Variants in GPR155 observed in about 807,000 individuals in gnomAD.
GPR155 encodes the protein lysosomal cholesterol signaling protein.
Under a neutral mutation model 93.1 loss-of-function variants are expected in GPR155, and 65 were observed. That is an observed-to-expected ratio of 0.70 (90% CI 0.57 to 0.86). GPR155 has a LOEUF of 0.86. Among genes scored for constraint, GPR155 ranks in the 40% least tolerant of loss-of-function variants. The pLI is 0.00. For missense variants in GPR155, 838 were observed against 1,034.8 expected (o/e 0.81, Z 2.61); for synonymous variants, 319 against 360.1 (o/e 0.89, Z 1.29).
chr2:174,469,090 A>C, intron 4 of GPR155, 23 bp from the exon 5 acceptor site: 2 of 1,608,640 alleles, frequency 1.2e-6, no homozygotes, highest in Non-Finnish European at 1.7e-6. Context: ...AATCAAACAG[A>C]GGAGTTACAA....
chr2:174,452,616 A>G (rs1687354073), intron 11 of GPR155, among the ~76,000 whole-genome samples: 1 of 152,040 alleles, frequency 6.6e-6, no homozygotes. Flanking sequence ...TAGGCCACAA[A>G]TGTAATTCAG....
intron 3 of GPR155, among the ~76,000 whole-genome samples, 159 bp from the exon 4 acceptor site, chr2:174,470,714 GA>G (rs1687971122): frequency 6.6e-6 from 1 of 151,884 alleles, no homozygotes; most frequent in African/African-American, 2.4e-5. Context: ...ACATTTTGTT[GA>G]AAAAAATCAA....
chr2:174,462,616 A>AT (rs982609695), intron 7 of GPR155, among the ~76,000 whole-genome samples: 4 of 152,220 alleles, frequency 2.6e-5, no homozygotes, highest in East Asian at 1.9e-4. Flanking sequence ...GCTGAAAAAC[A>AT]TTTTTTAATT....
At chr2:174,437,314 G>A (rs1315110368) in intron 15 of GPR155, among the ~76,000 whole-genome samples, 1 of 151,908 alleles carries the variant, frequency 6.6e-6, no homozygotes, top group Non-Finnish European at 1.5e-5. Context: ...AGGAGAAATA[G>A]GTGACAAAAA....
chr2:174,473,434 T>TA, intron 2 of GPR155, 70 bp from the exon 3 acceptor site: 4 of 1,006,018 alleles, frequency 4.0e-6, no homozygotes, highest in South Asian at 1.6e-5. Flanking sequence ...GTATATAACA[T>TA]TTTCTGTACT....
At position 174,470,485 on chromosome 2, in the gene GPR155, T is replaced by G; in HGVS notation, c.931A>C (p.Thr311Pro). 1 of 1,613,862 alleles carries G rather than the reference T, an allele frequency of 6.2e-7. No individual in the cohort carries two copies. The highest frequency in any genetic ancestry group is 1.1e-5 in the South Asian group (1 of 91,082). Reference protein sequence around the residue: ...LDKGDSVVNHTSLSNYAFLYG... With the variant: ...LDKGDSVVNHPSLSNYAFLYG... ...AGAAATGCATAATTTGATAAACTTG[T>G]ATGGTTCACCACACTGTCGCCCTTG... is the stretch of plus-strand genomic sequence containing the variant. The change falls in exon 4 of 16, where the codon ACA becomes CCA. Residue 311 changes from threonine to proline, a missense_variant. Transcript: ENST00000392552.
At chr2:174,447,567 TA>T (rs904992273) in intron 11 of GPR155, among the ~76,000 whole-genome samples, 9 of 145,784 alleles carry the variant, frequency 6.2e-5, no homozygotes, top group African/African-American at 2.2e-4. Flanking sequence ...AATTACAAAT[TA>T]ATATATAAGC....
chr2:174,439,291 T>A (rs1402224793), intron 15 of GPR155, among the ~76,000 whole-genome samples: 1 of 152,190 alleles, frequency 6.6e-6, no homozygotes, highest in Non-Finnish European at 1.5e-5. Context: ...ACTGGTAGTA[T>A]AGTATTTATT....
intron 13 of GPR155, among the ~76,000 whole-genome samples, chr2:174,443,091 T>A (rs116467199): frequency 6.2e-4 from 94 of 152,316 alleles, no homozygotes; most frequent in African/African-American, 2.2e-3. Context: ...TAAGTCAGAC[T>A]ATGATTTTTC....
rs1280876443 is a variant in GPR155, at chr2:174,481,907, G to A, written c.50C>T (p.Thr17Ile). 4 of 1,613,960 alleles carry A rather than the reference G, an allele frequency of 2.5e-6. No homozygotes were observed. Among genetic ancestry groups the A allele is most frequent in the Non-Finnish European group, 3.4e-6 (4 of 1,179,998 alleles). ...AENLTIAVNM[T>I]KTLPTAVTHG... ...CGTTACTGCTGTAGGCAAAGTCTTG[G>A]TCATATTGACTGCAATGGTTAAGTT... The change falls in exon 2 of 16, where the codon ACC becomes ATC. Residue 17 changes from threonine (T) to isoleucine (I), a missense_variant. Coordinates refer to ENST00000392552, the MANE Select transcript of GPR155 (RefSeq NM_152529.7).
intron 9 of GPR155, 67 bp from the exon 10 acceptor site, chr2:174,460,155 T>A: frequency 2.9e-3 from 124 of 42,360 alleles, no homozygotes; most frequent in Non-Finnish European, 4.2e-3. Context: ...TTAGGGCACA[T>A]TTTTTTTTTT....
rs1050661440 is a variant in GPR155, at chr2:174,459,926, C to T, written c.1723G>A (p.Ala575Thr). The part of the protein sequence containing the change: ...PGNTAFEESP[A>T]PVNEPELFTS... ...AAAAGTTCTGGTTCATTTACTGGTG[C>T]TGGACTCTCCTCAAAAGCAGTATTT... The change falls in exon 10 of 16, where the codon GCA (alanine) becomes ACA (threonine). Residue 575 changes from alanine (A) to threonine (T), a missense_variant. This residue lies in a region of GPR155 where 663 missense variants were observed against 790.1 expected (regional missense o/e 0.84). Coordinates refer to ENST00000392552, the MANE Select transcript of GPR155 (RefSeq NM_152529.7). 1 of 1,613,996 alleles carries T rather than the reference C, an allele frequency of 6.2e-7. No individual in the cohort carries two copies. The highest frequency in any genetic ancestry group is 8.5e-7 in the Non-Finnish European group (1 of 1,179,912).
chr2:174,484,669 G>A (rs572156878), intron 1 of GPR155, among the ~76,000 whole-genome samples: 2 of 152,272 alleles, frequency 1.3e-5, no homozygotes, highest in East Asian at 1.9e-4. Flanking sequence ...AGCAGCTCAC[G>A]CCTGTAATCC....
At chr2:174,479,654 TA>T (rs1688264550) in intron 2 of GPR155, among the ~76,000 whole-genome samples, 1 of 152,250 alleles carries the variant, frequency 6.6e-6, no homozygotes, top group Admixed American at 6.5e-5. Flanking sequence ...CATGAAACTA[TA>T]TACTTCTAGT....
intron 13 of GPR155, among the ~76,000 whole-genome samples, chr2:174,443,309 G>A (rs1687020887): frequency 6.6e-6 from 1 of 152,090 alleles, no homozygotes; most frequent in South Asian, 2.1e-4. Flanking sequence ...AACATCTATT[G>A]ACAAATGTTA....
rs1476079667 is a variant in GPR155, at chr2:174,445,179, G to A, written c.2014-3C>T. On this transcript the variant is annotated splice_polypyrimidine_tract_variant and splice_region_variant and intron_variant, in intron 12 of 15. Coordinates refer to ENST00000392552, the MANE Select transcript of GPR155 (RefSeq NM_152529.7). ...CACCATAAACAACTGGAAAGATTCT[G>A]TAAAGAAAGGAGAAAAGAGTATTTT... The A allele has an allele frequency of 6.9e-7, 1 of 1,438,938 alleles. No homozygotes were observed. Among genetic ancestry groups the A allele is most frequent in the South Asian group, 1.1e-5 (1 of 87,340 alleles). The allele number at this position is 1,438,938 out of a possible 1,614,324, so 89.1% of individuals were successfully genotyped here. A position where few individuals can be genotyped will look rare whatever the true frequency, so the allele number is the denominator to read the frequency against.
At chr2:174,437,462 GTTATC>G (rs1263078646) in intron 15 of GPR155, among the ~76,000 whole-genome samples, 2 of 151,636 alleles carry the variant, frequency 1.3e-5, no homozygotes, top group Non-Finnish European at 2.9e-5. Context: ...TTAGAGATAA[GTTATC>G]TTAATTTATG....
At chr2:174,466,476 A>G (rs1687840646) in intron 6 of GPR155, 68 bp downstream of exon 6, 3 of 889,700 alleles carry the variant, frequency 3.4e-6, no homozygotes, top group Admixed American at 2.4e-5. Context: ...TAGCAAAGTT[A>G]TTTTCTCCTC....
At position 174,436,073 on chromosome 2, in the gene GPR155, G is replaced by A. The variant is rs202129444; in HGVS notation, c.*43C>T. 21 of 1,525,966 alleles carry A rather than the reference G, an allele frequency of 1.4e-5. No individual in the cohort carries two copies. Among genetic ancestry groups the A allele is most frequent in the East Asian group, 4.5e-5 (2 of 44,150 alleles). The allele number at this position is 1,525,966 out of a possible 1,614,324, so 94.5% of individuals were successfully genotyped here. ...CACCCAGCTAAAAACTAATGAATAC[G>A]CGGCTAGAATATGATTCCATGTAGG... On this transcript the variant is annotated 3_prime_UTR_variant, in exon 16 of 16. Transcript: ENST00000392552.
Sources: gnomAD v4.1 joint callset for allele counts (sites outside exome capture counted in the v4.1 genomes callset) on GRCh38, gnomAD v4.1.1 for gene constraint, gnomAD v4.1.1 regional missense constraint, MANE v1.5 for transcripts, NCBI Gene and HGNC (gene_info 2026-07-23, HGNC 2026-07-21) for gene names.